Variants in ASAP1 observed in about 807,000 individuals in gnomAD.
The protein encoded by ASAP1 is arf-GAP with SH3 domain, ANK repeat and PH domain-containing protein 1.
Under a neutral mutation model 145.2 loss-of-function variants are expected in ASAP1, and 43 were observed. That is an observed-to-expected ratio of 0.30 (90% confidence interval 0.23 to 0.38). ASAP1 has a LOEUF of 0.38. ASAP1 is among the 10% of genes least tolerant of loss of function. The probability of loss-of-function intolerance (pLI) is 1.00; values close to 1 mark genes in which losing one functional copy is unlikely to be tolerated. For missense variants in ASAP1, 1,018 were observed against 1,355.3 expected (o/e 0.75, Z 3.91); for synonymous variants, 546 against 515.5 (o/e 1.06, Z -0.80).
intron 3 of ASAP1, among the ~76,000 whole-genome samples, chr8:130,257,439 T>C (rs1165153280): frequency 6.6e-6 from 1 of 152,198 alleles, no homozygotes; most frequent in Non-Finnish European, 1.5e-5. Flanking sequence ...CTGGAGGATC[T>C]GGTATTAGGC....
chr8:130,092,698 T>G lies in ASAP1; in HGVS notation c.2402-555A>C, dbSNP rs1469122527. 3.9e-5 allele frequency among the ~76,000 whole-genome samples: 6 copies of G among 151,980 alleles called. No individual in the cohort carries two copies. The East Asian group carries it at 1.2e-3, about 29-fold the overall frequency. ...CAGAATGCTACTGAGTTTAGATCAT[T>G]TAGGTACAATGGGAAAAACAAACAC... On this transcript the variant is annotated intron_variant, in intron 24 of 29. Transcript: ENST00000518721.
At chr8:130,384,487 G>A (rs1450937991) in intron 2 of ASAP1, among the ~76,000 whole-genome samples, 4 of 152,070 alleles carry the variant, frequency 2.6e-5, no homozygotes, top group Non-Finnish European at 4.4e-5. Flanking sequence ...GGAGGATAGT[G>A]TGTTTTTTTC....
chr8:130,220,989 A>AT lies in ASAP1; in HGVS notation c.260-6289dup, dbSNP rs140397345. Among the ~76,000 whole-genome samples, 782 of 152,236 alleles carry AT rather than the reference A, an allele frequency of 5.1e-3. 8 individuals are homozygous for AT. Among genetic ancestry groups the AT allele is most frequent in the African/African-American group, 0.018 (746 of 41,544 alleles). On this transcript the variant is annotated intron_variant, in intron 4 of 29. Transcript: ENST00000518721. The stretch of plus-strand genomic sequence containing the variant: ...CTTCCTATGAGGTCCCTCCCCCAAC[A>AT]TGTGGGGATTACAATTCAGATTACA...
chr8:130,354,197 A>T (rs1471782251), intron 3 of ASAP1, among the ~76,000 whole-genome samples: 1 of 151,942 alleles, frequency 6.6e-6, no homozygotes, highest in Non-Finnish European at 1.5e-5. Flanking sequence ...GCCGGGAGGG[A>T]GATTTTTAAA....
chr8:130,409,205 T>G (rs1278408135), intron 1 of ASAP1, among the ~76,000 whole-genome samples: 1 of 151,774 alleles, frequency 6.6e-6, no homozygotes, highest in African/African-American at 2.4e-5. Flanking sequence ...GAGGTTGTAG[T>G]GAGCCGAGAT....
intron 4 of ASAP1, among the ~76,000 whole-genome samples, chr8:130,215,587 CA>C (rs1406557444): frequency 1.3e-5 from 2 of 152,016 alleles, no homozygotes; most frequent in Admixed American, 1.3e-4. Flanking sequence ...ACTAAAAATA[CA>C]AAAAAGTTAG....
At chr8:130,082,517 T>A (rs1329213508) in intron 25 of ASAP1, among the ~76,000 whole-genome samples, 1 of 150,342 alleles carries the variant, frequency 6.7e-6, no homozygotes, top group African/African-American at 2.4e-5. Flanking sequence ...TTTTTTTTTT[T>A]TTAAGAGACA....
At chr8:130,119,124 T>A (rs1272806458) in intron 18 of ASAP1, among the ~76,000 whole-genome samples, 1 of 152,206 alleles carries the variant, frequency 6.6e-6, no homozygotes, top group African/African-American at 2.4e-5. Context: ...GTAAAATTTT[T>A]AAAAGGATCG....
At chr8:130,333,302 T>C (rs987138159) in intron 3 of ASAP1, among the ~76,000 whole-genome samples, 1 of 152,200 alleles carries the variant, frequency 6.6e-6, no homozygotes, top group Non-Finnish European at 1.5e-5. Context: ...TTTATTTCTA[T>C]AGTAAAAAGG....
intron 2 of ASAP1, among the ~76,000 whole-genome samples, chr8:130,400,843 T>C (rs1176104791): frequency 6.6e-6 from 1 of 150,966 alleles, no homozygotes; most frequent in Non-Finnish European, 1.5e-5. Flanking sequence ...TTGACTTACA[T>C]CTAGCTGGGC....
chr8:130,270,768 C>A (rs1239523713), intron 3 of ASAP1, among the ~76,000 whole-genome samples: 14 of 152,164 alleles, frequency 9.2e-5, no homozygotes. Context: ...AAAAAACAGT[C>A]CTTAGAAAAG....
chr8:130,289,129 T>C (rs947528814), intron 3 of ASAP1, among the ~76,000 whole-genome samples: 1 of 152,146 alleles, frequency 6.6e-6, no homozygotes, highest in Non-Finnish European at 1.5e-5. Context: ...TAGGTTGCAG[T>C]GAGCCAAGTT....
chr8:130,380,359 T>A (rs1827709657), intron 2 of ASAP1, among the ~76,000 whole-genome samples: 1 of 152,180 alleles, frequency 6.6e-6, no homozygotes, highest in East Asian at 1.9e-4. Context: ...TGAGGGCTGC[T>A]CCTGGGGAGT....
intron 3 of ASAP1, among the ~76,000 whole-genome samples, chr8:130,281,258 T>C (rs1357638272): frequency 1.3e-5 from 2 of 152,194 alleles, no homozygotes; most frequent in Non-Finnish European, 2.9e-5. Flanking sequence ...AAATTAGTAT[T>C]AGAGATCCGT....
chr8:130,153,122 C>T (rs1308397250), intron 12 of ASAP1, among the ~76,000 whole-genome samples: 1 of 151,114 alleles, frequency 6.6e-6, no homozygotes, highest in Non-Finnish European at 1.5e-5. Flanking sequence ...CGGGTTGAAG[C>T]GATTCTCCTG....
intron 2 of ASAP1, among the ~76,000 whole-genome samples, chr8:130,369,284 T>A (rs562715821): frequency 3.3e-5 from 5 of 152,338 alleles, no homozygotes; most frequent in African/African-American, 9.6e-5. Flanking sequence ...TTATGTTACA[T>A]ATAAACCTTA....
At chr8:130,225,746 C>T (rs1817552003) in intron 4 of ASAP1, among the ~76,000 whole-genome samples, 1 of 152,132 alleles carries the variant, frequency 6.6e-6, no homozygotes, top group African/African-American at 2.4e-5. Flanking sequence ...AGCAGCATAC[C>T]ATACAGGCAC....
chr8:130,380,543 T>C (rs1435145489), intron 2 of ASAP1, among the ~76,000 whole-genome samples: 4 of 151,906 alleles, frequency 2.6e-5, no homozygotes, highest in African/African-American at 9.7e-5. Flanking sequence ...CCGGCTGGGG[T>C]CACTGTCCTC....
intron 5 of ASAP1, among the ~76,000 whole-genome samples, chr8:130,205,465 T>C (rs1053036954): frequency 6.6e-6 from 1 of 151,560 alleles, no homozygotes; most frequent in African/African-American, 2.4e-5. Context: ...ATTGGATGTA[T>C]TTAAGACAAG....
Sources: gnomAD v4.1 joint callset for allele counts (sites outside exome capture counted in the v4.1 genomes callset) on GRCh38, gnomAD v4.1.1 for gene constraint, MANE v1.5 for transcripts, NCBI Gene and HGNC (gene_info 2026-07-23, HGNC 2026-07-21) for gene names.